Variants in KIAA1671 observed in about 807,000 individuals in gnomAD.
KIAA1671 encodes uncharacterized protein KIAA1671.
KIAA1671 carries 52 observed loss-of-function variants against 131.2 expected under a neutral mutation model. The observed-to-expected ratio is 0.40, with a 90% confidence interval of 0.32 to 0.50. The LOEUF (loss-of-function observed/expected upper bound fraction) is 0.50. Among genes scored for constraint, KIAA1671 ranks in the 20% least tolerant of loss-of-function variants. The pLI is 0.73. For missense variants in KIAA1671, 2,360 were observed against 2,364.2 expected (o/e 1.00, Z 0.04); for synonymous variants, 1,003 against 961.6 (o/e 1.04, Z -0.80).
Position 25,028,415 on chromosome 22 carries a change from C to T in KIAA1671, c.416C>T (p.Pro139Leu). The T allele has an allele frequency of 1.3e-6, 2 of 1,550,992 alleles. No homozygotes were observed. The highest frequency in any genetic ancestry group is 1.7e-6 in the Non-Finnish European group (2 of 1,146,814). ...TTCAACAAGGCTGTGTTCCTGCGGCCCAGCTCCAGCACCATGATTCTCTTC... is the reference window on the plus strand; with the variant it reads ...TTCAACAAGGCTGTGTTCCTGCGGCTCAGCTCCAGCACCATGATTCTCTTC... Reference protein sequence around the residue: ...PLFNKAVFLRPSSSTMILFET... With the variant: ...PLFNKAVFLRLSSSTMILFET... The change falls in exon 3 of 13, where the codon CCC becomes CTC. Residue 139 changes from proline to leucine, a missense_variant. Transcript: ENST00000358431.
chr22:25,171,869 A>G (rs1450240370), intron 7 of KIAA1671, among the ~76,000 whole-genome samples: 1 of 152,060 alleles, frequency 6.6e-6, no homozygotes, highest in Non-Finnish European at 1.5e-5. Flanking sequence ...GGTGATGGAA[A>G]TTTCTAGGAT....
At chr22:25,019,835 A>C (rs1925565636) in intron 1 of KIAA1671, among the ~76,000 whole-genome samples, 1 of 152,166 alleles carries the variant, frequency 6.6e-6, no homozygotes, top group South Asian at 2.1e-4. Flanking sequence ...TCCAAACTAA[A>C]GACTTGTGAT....
At chr22:24,989,323 G>A (rs1923713137) in intron 1 of KIAA1671, among the ~76,000 whole-genome samples, 1 of 152,188 alleles carries the variant, frequency 6.6e-6, no homozygotes, top group Admixed American at 6.5e-5. Context: ...GGTGCCTGGT[G>A]TGCTTGCAGG....
At chr22:24,991,190 T>G (rs192646361) in intron 1 of KIAA1671, among the ~76,000 whole-genome samples, 1 of 150,502 alleles carries the variant, frequency 6.6e-6, no homozygotes, top group East Asian at 2.0e-4. Context: ...CAGCTAATTT[T>G]TTTTGTATTT....
At chr22:25,110,490 T>TG (rs1568961147) in intron 6 of KIAA1671, among the ~76,000 whole-genome samples, 1 of 152,190 alleles carries the variant, frequency 6.6e-6, no homozygotes, top group Non-Finnish European at 1.5e-5. Context: ...TGTGTGACCT[T>TG]GGGCAAGTGA....
rs1934850228 is a variant in KIAA1671, at chr22:25,197,004, C to T, written c.*4603C>T. On this transcript the variant is annotated 3_prime_UTR_variant, in exon 13 of 13. Transcript: ENST00000358431. ...CAAGTATAGTATATATTTTCCTAAC[C>T]TTTCTTCTGGGTCCTTCCTCAGATC... 1 of 152,048 alleles carries T rather than the reference C, an allele frequency of 6.6e-6. No individual in the cohort carries two copies. The highest frequency in any genetic ancestry group is 6.6e-5 in the Admixed American group (1 of 15,250). The allele number at this position is 152,048 out of a possible 1,614,324, so 9.4% of individuals were successfully genotyped here.
intron 6 of KIAA1671, among the ~76,000 whole-genome samples, chr22:25,113,346 A>G (rs564447779): frequency 3.1e-4 from 47 of 152,306 alleles, no homozygotes; most frequent in African/African-American, 1.1e-3. Flanking sequence ...ACCAGACCTG[A>G]GCCTAAAGAG....
intron 6 of KIAA1671, among the ~76,000 whole-genome samples, chr22:25,118,770 C>T (rs1931799155): frequency 2.0e-5 from 3 of 152,156 alleles, no homozygotes; most frequent in South Asian, 2.1e-4. Flanking sequence ...TCCCTGCTAA[C>T]ATCAGCTCCT....
intron 4 of KIAA1671, among the ~76,000 whole-genome samples, chr22:25,033,053 A>G (rs1446496513): frequency 6.6e-6 from 1 of 152,066 alleles, no homozygotes; most frequent in African/African-American, 2.4e-5. Flanking sequence ...AGTGGTTCTT[A>G]TTGCCTTCCC....
intron 6 of KIAA1671, among the ~76,000 whole-genome samples, chr22:25,130,982 GA>G (rs1932417854): frequency 6.6e-6 from 1 of 152,194 alleles, no homozygotes; most frequent in Admixed American, 6.5e-5. Flanking sequence ...TGCTTAAAGA[GA>G]TTTTTTTTCT....
At chr22:25,118,976 C>T (rs1931809775) in intron 6 of KIAA1671, among the ~76,000 whole-genome samples, 1 of 152,168 alleles carries the variant, frequency 6.6e-6, no homozygotes, top group South Asian at 2.1e-4. Flanking sequence ...TTTCCCTGCA[C>T]CCATCCTACA....
intron 1 of KIAA1671, among the ~76,000 whole-genome samples, chr22:24,974,597 G>A (rs1016539232): frequency 6.6e-6 from 1 of 151,710 alleles, no homozygotes; most frequent in Admixed American, 6.6e-5. Flanking sequence ...TACCACCTGG[G>A]CTGTTTTTCA....
At chr22:25,065,560 A>C (rs1409813636) in intron 6 of KIAA1671, among the ~76,000 whole-genome samples, 2 of 152,184 alleles carry the variant, frequency 1.3e-5, no homozygotes, top group Admixed American at 6.5e-5. Context: ...TTTCCCCCCA[A>C]AAAAGAAAAA....
intron 6 of KIAA1671, among the ~76,000 whole-genome samples, chr22:25,131,324 G>A (rs1448193764): frequency 3.9e-5 from 6 of 152,198 alleles, no homozygotes; most frequent in Non-Finnish European, 2.9e-5. Context: ...GCACAGGTTT[G>A]GGGCTTAGGA....
chr22:24,983,272 T>C (rs980637801), intron 1 of KIAA1671, among the ~76,000 whole-genome samples: 1 of 152,180 alleles, frequency 6.6e-6, no homozygotes, highest in Non-Finnish European at 1.5e-5. Context: ...AGGCTAATAG[T>C]GTCCTCAGAG....
intron 10 of KIAA1671, among the ~76,000 whole-genome samples, chr22:25,182,066 C>T (rs1934298945): frequency 6.6e-6 from 1 of 152,132 alleles, no homozygotes; most frequent in African/African-American, 2.4e-5. Flanking sequence ...GTAGTCCCAG[C>T]TACCTGGGAG....
At chr22:25,171,661 G>A (rs910761268) in intron 7 of KIAA1671, among the ~76,000 whole-genome samples, 1 of 151,978 alleles carries the variant, frequency 6.6e-6, no homozygotes, top group African/African-American at 2.4e-5. Context: ...GCTGCAGTAA[G>A]CCAAGATTGC....
At chr22:25,114,671 G>A (rs1189357254) in intron 6 of KIAA1671, among the ~76,000 whole-genome samples, 1 of 152,170 alleles carries the variant, frequency 6.6e-6, no homozygotes, top group Non-Finnish European at 1.5e-5. Context: ...TTAGCTTGTG[G>A]TGCTTAAAAA....
At chr22:25,022,415 G>A (rs2123893137) in intron 1 of KIAA1671, among the ~76,000 whole-genome samples, 1 of 152,300 alleles carries the variant, frequency 6.6e-6, no homozygotes, top group African/African-American at 2.4e-5. Flanking sequence ...TGTGTCCCCA[G>A]CACCAAGTAC....
Sources: gnomAD v4.1 joint callset for allele counts (sites outside exome capture counted in the v4.1 genomes callset) on GRCh38, gnomAD v4.1.1 for gene constraint, MANE v1.5 for transcripts, NCBI Gene and HGNC (gene_info 2026-07-23, HGNC 2026-07-21) for gene names.